The following DDAH1 variants were observed in gnomAD, a reference collection of about 807,000 sequenced individuals.
DDAH1 encodes N(G),N(G)-dimethylarginine dimethylaminohydrolase 1.
DDAH1 carries 19 observed loss-of-function variants against 28.8 expected under a neutral mutation model. The observed-to-expected ratio is 0.66, with a 90% CI of 0.46 to 0.97. DDAH1 has a LOEUF of 0.97. DDAH1 is among the 50% of genes least tolerant of loss of function. The probability of loss-of-function intolerance (pLI) is 0.00; values close to 1 mark genes in which losing one functional copy is unlikely to be tolerated. For missense variants in DDAH1, 326 were observed against 375.9 expected (o/e 0.87, Z 1.10); for synonymous variants, 153 against 154.4 (o/e 0.99, Z 0.07).
chr1:85,357,776 A>T (rs1649566522), intron 2 of DDAH1, among the ~76,000 whole-genome samples: 1 of 152,220 alleles, frequency 6.6e-6, no homozygotes, highest in Non-Finnish European at 1.5e-5. Flanking sequence ...CATCAGTATA[A>T]CCAGAATGAA....
chr1:85,484,473 G>A (rs762704396), intron 2 of DDAH1, among the ~76,000 whole-genome samples: 12 of 152,086 alleles, frequency 7.9e-5, no homozygotes, highest in South Asian at 2.1e-4. Context: ...TCCTGCTGAT[G>A]AGGCTGATGG....
At chr1:85,414,615 C>T (rs907851383) in intron 1 of DDAH1, among the ~76,000 whole-genome samples, 1 of 152,144 alleles carries the variant, frequency 6.6e-6, no homozygotes, top group African/African-American at 2.4e-5. Context: ...TCGATAGGTA[C>T]AGTGTTTCTC....
At chr1:85,517,529 C>T (rs1329220821) in intron 1 of DDAH1, among the ~76,000 whole-genome samples, 1 of 152,058 alleles carries the variant, frequency 6.6e-6, no homozygotes, top group Non-Finnish European at 1.5e-5. Flanking sequence ...TGCAAGCTCA[C>T]CAAAATATTG....
At chr1:85,335,693 C>A (rs1412728966) in intron 4 of DDAH1, among the ~76,000 whole-genome samples, 4 of 151,980 alleles carry the variant, frequency 2.6e-5, no homozygotes, top group Non-Finnish European at 5.9e-5. Context: ...CATGGTGGCT[C>A]ACATCTGTAA....
At chr1:85,458,314 T>C (rs760668786) in intron 1 of DDAH1, among the ~76,000 whole-genome samples, 17 of 152,142 alleles carry the variant, frequency 1.1e-4, no homozygotes, top group Non-Finnish European at 2.2e-4. Context: ...GATTTATTCC[T>C]TTCTATGTGA....
chr1:85,499,873 C>G (rs188338388), intron 1 of DDAH1, among the ~76,000 whole-genome samples: 2 of 152,188 alleles, frequency 1.3e-5, no homozygotes, highest in Admixed American at 6.5e-5. Context: ...TTTCTATTTA[C>G]CCACATATTT....
chr1:85,444,619 T>A (rs1270675118), intron 1 of DDAH1, among the ~76,000 whole-genome samples: 2 of 152,214 alleles, frequency 1.3e-5, no homozygotes, highest in African/African-American at 2.4e-5. Flanking sequence ...GAGAATGTTG[T>A]GAGTGCTAAA....
chr1:85,342,529 A>C (rs1332071566), intron 4 of DDAH1, among the ~76,000 whole-genome samples: 1 of 152,158 alleles, frequency 6.6e-6, no homozygotes, highest in African/African-American at 2.4e-5. Context: ...AGCATGTCAA[A>C]TGGATTAAAT....
In DDAH1 at chr1:85,358,611, T is replaced by C. The variant is rs1468736861; in HGVS notation, c.403+137A>G. The C allele has an allele frequency of 9.5e-6, 6 of 630,770 alleles. No individual in the cohort carries two copies. The Admixed American group carries it at 1.6e-4, about 17-fold the overall frequency. 39.1% of individuals were successfully genotyped at this position (630,770 alleles called of 1,614,324 possible). ...TTGCAGCAAGCCAAGATGGCGCCAC[T>C]GCACTCCGGCCTAGGTGACAGCGAG... On this transcript the variant is annotated intron_variant, in intron 2 of 5. Transcript: ENST00000284031.
At chr1:85,458,158 G>A (rs367853992) in intron 1 of DDAH1, among the ~76,000 whole-genome samples, 2 of 152,206 alleles carry the variant, frequency 1.3e-5, no homozygotes, top group African/African-American at 4.8e-5. Flanking sequence ...AACTAAGTCG[G>A]GTTCTTGTCC....
At chr1:85,331,332 G>A (rs553910648) in intron 4 of DDAH1, among the ~76,000 whole-genome samples, 13 of 152,170 alleles carry the variant, frequency 8.5e-5, no homozygotes, top group African/African-American at 2.7e-4. Flanking sequence ...AAACTCTGAA[G>A]CAAAGGTATA....
At chr1:85,338,134 A>G (rs1433438533) in intron 4 of DDAH1, among the ~76,000 whole-genome samples, 1 of 152,224 alleles carries the variant, frequency 6.6e-6, no homozygotes, top group African/African-American at 2.4e-5. Context: ...AGGACTTCTT[A>G]GCTGGGAAGG....
chr1:85,397,913 G>T, intron 1 of DDAH1, among the ~76,000 whole-genome samples: 1 of 151,720 alleles, frequency 6.6e-6, no homozygotes, highest in South Asian at 2.1e-4. Context: ...AGCTTTCTGA[G>T]CCCCTCACCG....
intron 1 of DDAH1, among the ~76,000 whole-genome samples, chr1:85,423,613 C>A (rs1256898028): frequency 6.6e-6 from 1 of 151,972 alleles, no homozygotes; most frequent in African/African-American, 2.4e-5. Flanking sequence ...TGTAAGAAAG[C>A]AATCAACTTT....
rs566365510 is a variant in DDAH1 at position 85,394,927 on chromosome 1, G to C, written c.304-36080C>G. ...TAAAGTATAGATACTTTGTCATCTT[G>C]TGTTGTTATAAAACGTTGGCATATG... On this transcript the variant is annotated intron_variant, in intron 1 of 5. Coordinates refer to ENST00000284031, the MANE Select transcript of DDAH1 (RefSeq NM_012137.4). Among the ~76,000 whole-genome samples the C allele has an allele frequency of 1.1e-4, 16 of 152,212 alleles. No individual in the cohort carries two copies. The East Asian group carries it at 2.9e-3, about 28-fold the overall frequency.
chr1:85,469,278 G>A (rs375417827), upstream of DDAH1, among the ~76,000 whole-genome samples: 70 of 152,324 alleles, frequency 4.6e-4, no homozygotes, highest in Middle Eastern at 3.4e-3. Context: ...GGAAAAGTGG[G>A]CTAAGCCTTC....
chr1:85,424,132 A>T (rs1462927517), intron 1 of DDAH1, among the ~76,000 whole-genome samples: 1 of 152,076 alleles, frequency 6.6e-6, no homozygotes, highest in Admixed American at 6.6e-5. Context: ...TTCATTGAAG[A>T]TTTTGTATCT....
intron 1 of DDAH1, among the ~76,000 whole-genome samples, chr1:85,451,211 C>G (rs1654658216): frequency 6.6e-6 from 1 of 152,182 alleles, no homozygotes; most frequent in South Asian, 2.1e-4. Flanking sequence ...TCAGTCTGGG[C>G]AGGCCACAGG....
chr1:85,432,679 C>T (rs1315819822), intron 1 of DDAH1, among the ~76,000 whole-genome samples: 2 of 152,296 alleles, frequency 1.3e-5, no homozygotes, highest in Middle Eastern at 3.4e-3. Flanking sequence ...TATCACATGA[C>T]TTACTGCAGA....
Sources: gnomAD v4.1 joint callset for allele counts (sites outside exome capture counted in the v4.1 genomes callset) on GRCh38, gnomAD v4.1.1 for gene constraint, MANE v1.5 for transcripts, NCBI Gene and HGNC (gene_info 2026-07-23, HGNC 2026-07-21) for gene names.